Variants in CPNE4 observed in about 807,000 individuals in gnomAD.
CPNE4 encodes copine 4, also known as copine-4.
Under a neutral mutation model 67.9 loss-of-function variants are expected in CPNE4, and 25 were observed. The ratio of observed to expected loss-of-function variants is 0.37; its 90% confidence interval spans 0.27 to 0.51. The LOEUF is 0.51. Ranked by LOEUF, CPNE4 falls within the 20% of genes least tolerant of loss-of-function variation. The pLI, the probability that CPNE4 is intolerant of heterozygous loss-of-function variation, is 0.93. For missense variants in CPNE4, 464 were observed against 690.8 expected (o/e 0.67, Z 3.68); for synonymous variants, 242 against 244.9 (o/e 0.99, Z 0.11).
At chr3:131,721,383 C>A (rs1433754383) in intron 3 of CPNE4, among the ~76,000 whole-genome samples, 2 of 138,912 alleles carry the variant, frequency 1.4e-5, no homozygotes, top group African/African-American at 5.3e-5. Context: ...CCACATGATT[C>A]CCACACGGAT....
rs567817938 is a variant in CPNE4, at chr3:131,934,216, T to C, written c.-1-28772A>G. Among the ~76,000 whole-genome samples the C allele has an allele frequency of 1.1e-4, 17 of 152,282 alleles. No homozygotes were observed. In the East Asian group the frequency reaches 3.3e-3, roughly 29 times the overall value. On this transcript the variant is annotated intron_variant, in intron 1 of 15. Transcript: ENST00000429747. ...CTATTTGAATTTAGGAAGACGATTG[T>C]TGACTTTAACAAGATCAGTTTAGGT... is the stretch of plus-strand genomic sequence containing the variant.
At chr3:131,662,632 C>CAAA (rs1178832869) in intron 7 of CPNE4, among the ~76,000 whole-genome samples, 3 of 134,706 alleles carry the variant, frequency 2.2e-5, no homozygotes, top group Non-Finnish European at 4.9e-5. Flanking sequence ...AAAAAAACAA[C>CAAA]CCCATCAAAA....
intron 3 of CPNE4, among the ~76,000 whole-genome samples, chr3:131,700,942 T>C (rs1450990461): frequency 1.3e-5 from 2 of 151,816 alleles, no homozygotes; most frequent in African/African-American, 4.8e-5. Flanking sequence ...ATGTCCTTTG[T>C]AGGGACATGG....
At chr3:131,929,146 T>C (rs1450845938) in intron 1 of CPNE4, among the ~76,000 whole-genome samples, 2 of 148,936 alleles carry the variant, frequency 1.3e-5, no homozygotes, top group African/African-American at 5.0e-5. Flanking sequence ...CCTGTCATCT[T>C]CTCCTCTTCT....
chr3:131,993,824 T>C (rs995958798), intron 1 of CPNE4, among the ~76,000 whole-genome samples: 2 of 136,122 alleles, frequency 1.5e-5, no homozygotes, highest in African/African-American at 4.9e-5. Flanking sequence ...TAGAGATCTT[T>C]ACTAGTGCAA....
chr3:131,687,207 C>A (rs4854829), intron 5 of CPNE4, among the ~76,000 whole-genome samples: 124,030 of 152,150 alleles, frequency 0.82, 50,938 homozygotes, highest in Middle Eastern at 0.91. Context: ...TGTAAAATAA[C>A]TAAGTGCTTC....
chr3:131,930,614 T>A (rs553218320), intron 1 of CPNE4, among the ~76,000 whole-genome samples: 11 of 152,256 alleles, frequency 7.2e-5, no homozygotes, highest in African/African-American at 2.4e-4. Context: ...TCCTGTAATT[T>A]GGTAATCCTA....
intron 1 of CPNE4, among the ~76,000 whole-genome samples, chr3:131,930,141 G>C (rs1456562977): frequency 6.6e-6 from 1 of 152,160 alleles, no homozygotes; most frequent in Non-Finnish European, 1.5e-5. Flanking sequence ...GTAGTGGAAA[G>C]TGCCTTAACT....
rs189242762 is a variant in CPNE4 at position 132,025,254 on chromosome 3, C to T, written c.-2+9313G>A. ...GGGACAAGGGCAGGGGAAACAAAGT[C>T]AAATACAATAAATTTCTGCTGCTGG... On this transcript the variant is annotated intron_variant, in intron 1 of 15. Coordinates refer to ENST00000429747, the MANE Select transcript of CPNE4 (RefSeq NM_130808.3). 6.2e-3 allele frequency among the ~76,000 whole-genome samples: 949 copies of T among 152,286 alleles called. 8 individuals are homozygous for T. Among genetic ancestry groups the T allele is most frequent in the African/African-American group, 0.022 (917 of 41,576 alleles).
chr3:131,678,510 T>C (rs1270590588), intron 6 of CPNE4, among the ~76,000 whole-genome samples: 1 of 152,192 alleles, frequency 6.6e-6, no homozygotes, highest in Non-Finnish European at 1.5e-5. Flanking sequence ...CTTTGTTTTG[T>C]GGCAGTTTTC....
intron 3 of CPNE4, among the ~76,000 whole-genome samples, chr3:131,701,528 A>G (rs1379400163): frequency 6.6e-6 from 1 of 152,186 alleles, no homozygotes; most frequent in East Asian, 1.9e-4. Context: ...TCTTACCACT[A>G]TCTCTCATTC....
chr3:131,669,822 T>A lies in CPNE4; in HGVS notation c.592-58A>T, dbSNP rs896078834. On this transcript the variant is annotated intron_variant, in intron 6 of 15. Transcript: ENST00000429747. Reference sequence around the variant, plus strand: ...GGAGAAATGCTTGACATTTTCACATTTCCACATTAAAACTGCTTGAGAAAC... The same window carrying A: ...GGAGAAATGCTTGACATTTTCACATATCCACATTAAAACTGCTTGAGAAAC... 36 of 1,338,064 alleles carry A rather than the reference T, an allele frequency of 2.7e-5. No individual in the cohort carries two copies. In the African/African-American group the frequency reaches 5.1e-4, roughly 19 times the overall value. 82.9% of individuals were successfully genotyped at this position (1,338,064 alleles called of 1,614,324 possible). A position where few individuals can be genotyped will look rare whatever the true frequency, so the allele number is the denominator to read the frequency against.
chr3:131,829,806 G>C (rs571988751), intron 2 of CPNE4, among the ~76,000 whole-genome samples: 11 of 152,270 alleles, frequency 7.2e-5, no homozygotes, highest in African/African-American at 2.2e-4. Flanking sequence ...ACACATCACT[G>C]TTCATATTAT....
intron 2 of CPNE4, among the ~76,000 whole-genome samples, chr3:131,740,005 A>G (rs1398821592): frequency 1.3e-5 from 2 of 152,210 alleles, no homozygotes; most frequent in Non-Finnish European, 2.9e-5. Flanking sequence ...ATGGGAAGAG[A>G]TACCTCTTAT....
At position 131,766,296 on chromosome 3, in the gene CPNE4, A is replaced by ACATAGTATCGGCACATAG. The variant is rs145336735; in HGVS notation, c.181-42672_181-42671insCTATGTGCCGATACTATG. On this transcript the variant is annotated intron_variant, in intron 2 of 15. Transcript: ENST00000429747. ...TTTTGAAGATTAAGCAAAGTGTTTT[A>ACATAGTATCGGCACATAG]CAAGTACTCAAGAAGTGTTAGCTTT... Among the ~76,000 whole-genome samples, 7 of 152,124 alleles carry ACATAGTATCGGCACATAG rather than the reference A, an allele frequency of 4.6e-5. No homozygotes were observed. The East Asian group carries it at 1.4e-3, about 29-fold the overall frequency.
intron 1 of CPNE4, among the ~76,000 whole-genome samples, chr3:131,962,534 G>A (rs975273869): frequency 3.9e-5 from 6 of 152,176 alleles, no homozygotes; most frequent in Non-Finnish European, 8.8e-5. Flanking sequence ...CAGGATTAGA[G>A]AAGACTAGAA....
intron 1 of CPNE4, among the ~76,000 whole-genome samples, chr3:131,960,354 TA>T (rs2072129832): frequency 6.6e-6 from 1 of 152,208 alleles, no homozygotes. Context: ...TATAGGCTAT[TA>T]CAGCTAACCA....
At chr3:131,915,329 G>C (rs2089145332) in intron 1 of CPNE4, among the ~76,000 whole-genome samples, 1 of 152,172 alleles carries the variant, frequency 6.6e-6, no homozygotes, top group Admixed American at 6.5e-5. Context: ...TTGAGATTGT[G>C]CTCTGGCAGT....
intron 3 of CPNE4, among the ~76,000 whole-genome samples, chr3:131,717,965 TTCTCTCTCTCTGTCTCTC>T (rs1470965301): frequency 7.4e-5 from 11 of 149,364 alleles, no homozygotes; most frequent in South Asian, 4.3e-4. Flanking sequence ...CTCTCTTTCT[TTCTCTCTCTCTGTCTCTC>T]TCTCTCTCTC....
Sources: gnomAD v4.1 joint callset for allele counts (sites outside exome capture counted in the v4.1 genomes callset) on GRCh38, gnomAD v4.1.1 for gene constraint, MANE v1.5 for transcripts, NCBI Gene and HGNC (gene_info 2026-07-23, HGNC 2026-07-21) for gene names.